Variants in EDIL3 observed in about 807,000 individuals in gnomAD.
EDIL3 encodes EGF like and discoidin domains 3.
Under a neutral mutation model 67.4 loss-of-function variants are expected in EDIL3, and 37 were observed. The ratio of observed to expected loss-of-function variants is 0.55; its 90% CI spans 0.42 to 0.72. The LOEUF (loss-of-function observed/expected upper bound fraction) is 0.72. Ranked by LOEUF, EDIL3 falls within the 30% of genes least tolerant of loss-of-function variation. EDIL3 has a pLI of 0.00. For synonymous variants in EDIL3, 195 were observed against 196.3 expected, an observed-to-expected ratio of 0.99 and a Z score of 0.05; for missense variants, 527 against 586.3, an observed-to-expected ratio of 0.90 and a Z score of 1.04.
chr5:84,095,404 G>T (rs569279194), intron 6 of EDIL3, among the ~76,000 whole-genome samples: 1 of 152,280 alleles, frequency 6.6e-6, no homozygotes, highest in Non-Finnish European at 1.5e-5. Flanking sequence ...TGGTTGAATG[G>T]CTTTGACCAA....
intron 1 of EDIL3, among the ~76,000 whole-genome samples, chr5:84,363,885 T>C (rs982657977): frequency 6.6e-6 from 1 of 152,228 alleles, no homozygotes; most frequent in Admixed American, 6.5e-5. Context: ...ATACTCATTT[T>C]AATATATAAG....
intron 5 of EDIL3, among the ~76,000 whole-genome samples, chr5:84,125,121 G>A (rs538478685): frequency 1.3e-5 from 2 of 151,942 alleles, no homozygotes; most frequent in East Asian, 3.9e-4. Flanking sequence ...TGAGACAGAG[G>A]GGCCAGAAAC....
intron 5 of EDIL3, among the ~76,000 whole-genome samples, chr5:84,128,163 A>G (rs1315508709): frequency 1.3e-5 from 2 of 152,124 alleles, no homozygotes; most frequent in East Asian, 3.9e-4. Flanking sequence ...TGTCACTGCC[A>G]AACTCAGCTC....
At chr5:84,267,729 C>A (rs951589432) in intron 1 of EDIL3, among the ~76,000 whole-genome samples, 3 of 150,876 alleles carry the variant, frequency 2.0e-5, no homozygotes, top group Non-Finnish European at 4.4e-5. Context: ...GCTCTCTTAC[C>A]AAAAAAAAGA....
At chr5:84,268,689 A>T (rs1242917614) in intron 1 of EDIL3, among the ~76,000 whole-genome samples, 1 of 152,188 alleles carries the variant, frequency 6.6e-6, no homozygotes, top group Non-Finnish European at 1.5e-5. Flanking sequence ...TAGAAAAAAT[A>T]AGAAAATCAC....
chr5:84,291,830 CAT>C (rs150859848), intron 1 of EDIL3, among the ~76,000 whole-genome samples: 35 of 145,838 alleles, frequency 2.4e-4, no homozygotes, highest in East Asian at 6.0e-4. Context: ...TATACACACA[CAT>C]ATATATATAT....
chr5:84,297,645 C>G (rs1017980602), intron 1 of EDIL3, among the ~76,000 whole-genome samples: 1 of 152,116 alleles, frequency 6.6e-6, no homozygotes, highest in Non-Finnish European at 1.5e-5. Context: ...GGCTGAGAAG[C>G]CCCCGAGCTC....
intron 4 of EDIL3, among the ~76,000 whole-genome samples, chr5:84,180,031 C>A (rs561677652): frequency 5.6e-4 from 84 of 150,532 alleles, no homozygotes; most frequent in Middle Eastern, 3.4e-3. Flanking sequence ...TGGGTATCAT[C>A]TCTGAACCTA....
intron 2 of EDIL3, among the ~76,000 whole-genome samples, chr5:84,242,188 C>A (rs1259118632): frequency 2.0e-5 from 3 of 151,166 alleles, no homozygotes; most frequent in Non-Finnish European, 4.4e-5. Flanking sequence ...GCCGAGATCA[C>A]GCCACTGCAC....
chr5:84,102,974 G>A (rs987972176), intron 6 of EDIL3, among the ~76,000 whole-genome samples: 1 of 151,866 alleles, frequency 6.6e-6, no homozygotes, highest in African/African-American at 2.4e-5. Context: ...TATACTATAG[G>A]GCTACAGTAA....
intron 1 of EDIL3, among the ~76,000 whole-genome samples, chr5:84,373,921 T>G (rs774183140): frequency 6.6e-6 from 1 of 152,110 alleles, no homozygotes; most frequent in Non-Finnish European, 1.5e-5. Context: ...ATGGGAATCA[T>G]TAATGTTGGG....
At chr5:84,171,104 C>A (rs1003674756) in intron 4 of EDIL3, among the ~76,000 whole-genome samples, 1 of 151,960 alleles carries the variant, frequency 6.6e-6, no homozygotes, top group Non-Finnish European at 1.5e-5. Flanking sequence ...TGAATCAGTT[C>A]TAGAAGTTCA....
At chr5:84,197,649 C>G (rs1460657270) in intron 3 of EDIL3, among the ~76,000 whole-genome samples, 1 of 149,456 alleles carries the variant, frequency 6.7e-6, no homozygotes, top group East Asian at 2.0e-4. Flanking sequence ...CAGAGCGAAA[C>G]TACATCTCAA....
chr5:84,054,787 C>CCACT (rs1294740787), intron 9 of EDIL3, among the ~76,000 whole-genome samples: 1 of 151,172 alleles, frequency 6.6e-6, no homozygotes, highest in East Asian at 1.9e-4. Context: ...GAACTACAAA[C>CCACT]CACTGCTCAA....
intron 4 of EDIL3, among the ~76,000 whole-genome samples, chr5:84,168,542 T>C (rs1748754603): frequency 6.6e-6 from 1 of 152,118 alleles, no homozygotes; most frequent in Non-Finnish European, 1.5e-5. Flanking sequence ...CAATGCATAC[T>C]TGAAATCATA....
chr5:84,210,297 C>T (rs941123902), intron 3 of EDIL3, among the ~76,000 whole-genome samples: 13 of 151,898 alleles, frequency 8.6e-5, no homozygotes, highest in East Asian at 7.7e-4. Flanking sequence ...TTTAATTTTA[C>T]GTTTTGCAAT....
At chr5:84,302,625 A>G (rs578207155) in intron 1 of EDIL3, among the ~76,000 whole-genome samples, 13 of 152,248 alleles carry the variant, frequency 8.5e-5, no homozygotes, top group African/African-American at 3.1e-4. Context: ...TGGAACCCTT[A>G]TAGCCTTACA....
Position 84,064,759 on chromosome 5 carries a change from GGATA to G in EDIL3, c.889_892del (p.Tyr297ProfsTer28), listed in dbSNP as rs1446848618. On this transcript the variant is annotated frameshift_variant, in exon 8 of 11. Transcript: ENST00000296591. LOFTEE classifies it high-confidence loss of function. The stretch of plus-strand genomic sequence containing the variant: ...AGTGCAATGTCTTCGACAAACTTGG[GGATA>G]GAGTCTTACATACTGAGCTTTTATG... 1.2e-6 allele frequency: 2 copies of G among 1,613,640 alleles called. No individual in the cohort carries two copies. Among genetic ancestry groups the G allele is most frequent in the Non-Finnish European group, 1.7e-6 (2 of 1,179,772 alleles).
At chr5:84,145,698 A>T (rs774951373) in intron 4 of EDIL3, among the ~76,000 whole-genome samples, 20 of 152,100 alleles carry the variant, frequency 1.3e-4, no homozygotes, top group Non-Finnish European at 2.2e-4. Context: ...CTTGGTTCGA[A>T]ATGTATATAG....
Sources: allele counts gnomAD v4.1 joint callset (sites outside exome capture counted in the v4.1 genomes callset), GRCh38; gene constraint gnomAD v4.1.1; transcripts MANE v1.5; gene names NCBI Gene and HGNC (gene_info 2026-07-23, HGNC 2026-07-21).